Variants in FOXK1 observed in about 807,000 individuals in gnomAD.
The protein encoded by FOXK1 is forkhead box K1, also known as forkhead box protein K1.
In FOXK1, 19 loss-of-function variants were observed where a neutral mutation model predicts 51.9. The ratio of observed to expected loss-of-function variants is 0.37; its 90% CI spans 0.26 to 0.54. The LOEUF is 0.54. Among genes scored for constraint, FOXK1 ranks in the 20% least tolerant of loss-of-function variants. The probability of loss-of-function intolerance (pLI) is 0.87; values close to 1 mark genes in which losing one functional copy is unlikely to be tolerated. For synonymous variants in FOXK1, 537 were observed against 482.6 expected, an observed-to-expected ratio of 1.11 and a Z score of -1.48; for missense variants, 870 against 1,032.7, an observed-to-expected ratio of 0.84 and a Z score of 2.16.
intron 1 of FOXK1, among the ~76,000 whole-genome samples, chr7:4,695,727 G>C (rs930910539): frequency 6.6e-6 from 1 of 151,936 alleles, no homozygotes; most frequent in Non-Finnish European, 1.5e-5. Flanking sequence ...ACCTGAGGTC[G>C]GGAGTTCGAG....
chr7:4,738,762 G>T (rs1780591206), intron 1 of FOXK1, among the ~76,000 whole-genome samples: 2 of 152,138 alleles, frequency 1.3e-5, no homozygotes, highest in African/African-American at 4.8e-5. Flanking sequence ...AGGCCTGACA[G>T]CGCCTGGCAC....
chr7:4,684,569 C>T (rs1000984432), intron 1 of FOXK1, among the ~76,000 whole-genome samples: 1 of 152,152 alleles, frequency 6.6e-6, no homozygotes, highest in African/African-American at 2.4e-5. Flanking sequence ...TGTGTTCTCT[C>T]TCTTCCATAA....
intron 2 of FOXK1, among the ~76,000 whole-genome samples, chr7:4,742,965 A>C (rs116110248): frequency 0.058 from 8,834 of 152,182 alleles, 332 homozygotes; most frequent in Admixed American, 0.093. Flanking sequence ...TGCGGAAAGG[A>C]GAGGCCCCGG....
chr7:4,715,042 G>C lies in FOXK1; in HGVS notation c.561-25796G>C, dbSNP rs1780217185. 2.0e-5 allele frequency among the ~76,000 whole-genome samples: 3 copies of C among 152,200 alleles called. No homozygotes were observed. Among genetic ancestry groups the C allele is most frequent in the Admixed American group, 1.3e-4 (2 of 15,274 alleles). ...CCAGCGACAATCAGAGGTTACATAGGCTTGGGGCGTAGCTTTTCTGATCAG... is the reference window on the plus strand; with the variant it reads ...CCAGCGACAATCAGAGGTTACATAGCCTTGGGGCGTAGCTTTTCTGATCAG... On this transcript the variant is annotated intron_variant, in intron 1 of 8. Coordinates refer to ENST00000328914, the MANE Select transcript of FOXK1 (RefSeq NM_001037165.2). This position sits in a 1 kb window ranked among gnomAD's most constrained non-coding sequence, Gnocchi z 4.5.
chr7:4,703,143 C>T lies in FOXK1; in HGVS notation c.560+20275C>T, dbSNP rs1780040953. ...CTGGGCTGGACTGGGAAGACTGGCT[C>T]TCTCAGGGGATTCCAGGGCAGGCGG... On this transcript the variant is annotated intron_variant, in intron 1 of 8. Transcript: ENST00000328914. This position sits in a 1 kb window ranked among gnomAD's most constrained non-coding sequence, Gnocchi z 5.6. 1.3e-5 allele frequency among the ~76,000 whole-genome samples: 2 copies of T among 152,124 alleles called. No individual in the cohort carries two copies. The highest frequency in any genetic ancestry group is 2.1e-4 in the South Asian group (1 of 4,832).
chr7:4,706,044 G>A lies in FOXK1; in HGVS notation c.560+23176G>A, dbSNP rs910549560. On this transcript the variant is annotated intron_variant, in intron 1 of 8. Transcript: ENST00000328914. ...TATACGTGTATATACGTGTATATAC[G>A]TGTATATATGTATATATATGTGTAT... Among the ~76,000 whole-genome samples the A allele has an allele frequency of 3.1e-3, 328 of 105,810 alleles. 32 individuals are homozygous for A. Among genetic ancestry groups the A allele is most frequent in the African/African-American group, 0.024 (312 of 13,004 alleles). 69.4% of individuals were successfully genotyped at this position (105,810 alleles called of 152,430 possible).
intron 1 of FOXK1, among the ~76,000 whole-genome samples, chr7:4,690,740 G>A (rs149206030): frequency 1.3e-3 from 202 of 152,264 alleles, no homozygotes; most frequent in African/African-American, 4.3e-3. Context: ...TGAAAAAGAC[G>A]CAGCTATGTT....
intron 1 of FOXK1, among the ~76,000 whole-genome samples, chr7:4,714,179 C>A (rs1441461724): frequency 2.0e-5 from 3 of 152,080 alleles, no homozygotes; most frequent in Admixed American, 2.0e-4. Flanking sequence ...TATTTTTGAG[C>A]CCTGAAAACT....
At chr7:4,742,591 AT>A in intron 2 of FOXK1, among the ~76,000 whole-genome samples, 1 of 151,728 alleles carries the variant, frequency 6.6e-6, no homozygotes. Flanking sequence ...TAATTTTCTT[AT>A]CTTTTGTAGA....
intron 2 of FOXK1, among the ~76,000 whole-genome samples, chr7:4,751,974 A>G (rs533111797): frequency 1.8e-4 from 27 of 152,134 alleles, no homozygotes; most frequent in African/African-American, 6.5e-4. Context: ...GTTTTTTGAG[A>G]TAAGGTCTCA....
chr7:4,714,288 G>A (rs1290733984), intron 1 of FOXK1, among the ~76,000 whole-genome samples: 1 of 151,272 alleles, frequency 6.6e-6, no homozygotes, highest in Non-Finnish European at 1.5e-5. Flanking sequence ...GTGTGTGTCT[G>A]TTTGTTTGTT....
chr7:4,719,484 C>T (rs149797297), intron 1 of FOXK1, among the ~76,000 whole-genome samples: 1 of 151,726 alleles, frequency 6.6e-6, no homozygotes, highest in Non-Finnish European at 1.5e-5. Flanking sequence ...TAGCTAACTA[C>T]ACTGCACATA....
chr7:4,729,139 C>T lies in FOXK1; in HGVS notation c.561-11699C>T, dbSNP rs916301542. Among the ~76,000 whole-genome samples the T allele has an allele frequency of 4.6e-5, 7 of 152,166 alleles. No individual in the cohort carries two copies. The highest frequency in any genetic ancestry group is 1.9e-4 in the East Asian group (1 of 5,200). Reference sequence around the variant, plus strand: ...TTAAAGAGCCTAGTCCATCTTTACGCGGTCTTTTTACGTCTGTTTAAGCCA... The same window carrying T: ...TTAAAGAGCCTAGTCCATCTTTACGTGGTCTTTTTACGTCTGTTTAAGCCA... On this transcript the variant is annotated intron_variant, in intron 1 of 8. Transcript: ENST00000328914. This position sits in a 1 kb window ranked among gnomAD's most constrained non-coding sequence, Gnocchi z 6.2.
At chr7:4,754,832 G>A in intron 3 of FOXK1, 1 of 661,580 alleles carries the variant, frequency 1.5e-6, no homozygotes, top group East Asian at 2.8e-5. Context: ...TGACAGGGGT[G>A]GCGCCGTCAC....
chr7:4,694,020 A>G (rs1562368445), intron 1 of FOXK1, among the ~76,000 whole-genome samples: 1 of 151,902 alleles, frequency 6.6e-6, no homozygotes, highest in Non-Finnish European at 1.5e-5. Context: ...AGCTGATACT[A>G]CAGTGCCTAC....
Position 4,730,933 on chromosome 7 carries a change from G to A in FOXK1, c.561-9905G>A, listed in dbSNP as rs1183264974. ...TGCAATCCCAGCACTTTGGGAGGCC[G>A]AGGCAGGAGGATCCCTTGAGGCCAG... On this transcript the variant is annotated intron_variant, in intron 1 of 8. Transcript: ENST00000328914. This position sits in a 1 kb window ranked among gnomAD's most constrained non-coding sequence, Gnocchi z 4.7. 6.6e-6 allele frequency among the ~76,000 whole-genome samples: 1 copy of A among 151,896 alleles called. No individual in the cohort carries two copies. The highest frequency in any genetic ancestry group is 1.5e-5 in the Non-Finnish European group (1 of 67,960).
chr7:4,746,677 G>A (rs1346913551), intron 2 of FOXK1, among the ~76,000 whole-genome samples: 2 of 152,222 alleles, frequency 1.3e-5, no homozygotes, highest in Non-Finnish European at 2.9e-5. Flanking sequence ...AACAGAGCAA[G>A]ACCCTGTCTC....
At position 4,747,219 on chromosome 7, in the gene FOXK1, T is replaced by G. The variant is rs1780714917; in HGVS notation, c.746+6196T>G. 6.6e-6 allele frequency among the ~76,000 whole-genome samples: 1 copy of G among 152,194 alleles called. No individual in the cohort carries two copies. Among genetic ancestry groups the G allele is most frequent in the Non-Finnish European group, 1.5e-5 (1 of 68,028 alleles). On this transcript the variant is annotated intron_variant, in intron 2 of 8. Transcript: ENST00000328914. This position sits in a 1 kb window ranked among gnomAD's most constrained non-coding sequence, Gnocchi z 9.2. ...ACAAGCGGCTTGTGTGGAGTAGGCC[T>G]GTTGCATGGCTTCTGTGCGGGCATG...
At position 4,753,552 on chromosome 7, in the gene FOXK1, G is replaced by A. The variant is rs143383094; in HGVS notation, c.747-907G>A. On this transcript the variant is annotated intron_variant, in intron 2 of 8. Coordinates refer to ENST00000328914, the MANE Select transcript of FOXK1 (RefSeq NM_001037165.2). The surrounding 1 kb of genome is among the most constrained non-coding windows in gnomAD (Gnocchi z 4.9). ...AGGTGGGCAGGGTCCATCTCAGGACGGGGCTAGGTGGGTGCCCGTGAGCTC... is the reference window on the plus strand; with the variant it reads ...AGGTGGGCAGGGTCCATCTCAGGACAGGGCTAGGTGGGTGCCCGTGAGCTC... Among the ~76,000 whole-genome samples, 226 of 152,306 alleles carry A rather than the reference G, an allele frequency of 1.5e-3. 1 individual carries two copies. Among genetic ancestry groups the A allele is most frequent in the African/African-American group, 5.1e-3 (211 of 41,572 alleles).
Sources: gnomAD v4.1 joint callset for allele counts (sites outside exome capture counted in the v4.1 genomes callset) on GRCh38, gnomAD v4.1.1 for gene constraint, Gnocchi (gnomAD v3.1) non-coding constraint, MANE v1.5 for transcripts, NCBI Gene and HGNC (gene_info 2026-07-23, HGNC 2026-07-21) for gene names.